LIMD1: variants seen among roughly 807,000 people sequenced by gnomAD.
The protein encoded by LIMD1 is LIM domain containing 1.
In LIMD1, 23 loss-of-function variants were observed where a neutral mutation model predicts 58.4. The ratio of observed to expected loss-of-function variants is 0.39; its 90% CI spans 0.28 to 0.56. The LOEUF (loss-of-function observed/expected upper bound fraction) is 0.56, where lower values mean the gene tolerates loss of function less well. Ranked by LOEUF, LIMD1 falls within the 20% of genes least tolerant of loss-of-function variation. The pLI is 0.57. For missense variants in LIMD1, 838 were observed against 855.5 expected (o/e 0.98, Z 0.25); for synonymous variants, 334 against 345.5 (o/e 0.97, Z 0.37).
chr3:45,604,602 C>T (rs1262944008), intron 1 of LIMD1, among the ~76,000 whole-genome samples: 5 of 152,296 alleles, frequency 3.3e-5, no homozygotes, highest in African/African-American at 1.2e-4. Context: ...TGTGCCTCAC[C>T]TTGCTCCTTC....
At chr3:45,650,727 A>T (rs1352609126) in intron 2 of LIMD1, among the ~76,000 whole-genome samples, 1 of 152,042 alleles carries the variant, frequency 6.6e-6, no homozygotes, top group Admixed American at 6.6e-5. Context: ...TTCTTTATCC[A>T]GCCTATTATT....
chr3:45,628,708 A>G (rs1229530885), intron 1 of LIMD1, among the ~76,000 whole-genome samples: 3 of 152,252 alleles, frequency 2.0e-5, no homozygotes, highest in African/African-American at 7.2e-5. Context: ...ACGCTTGTAC[A>G]CAAATCTTGA....
intron 2 of LIMD1, among the ~76,000 whole-genome samples, chr3:45,661,955 G>A (rs1462513895): frequency 1.3e-5 from 2 of 152,148 alleles, no homozygotes; most frequent in African/African-American, 4.8e-5. Context: ...ATGGGATCTT[G>A]CTGTGTTGCC....
At chr3:45,667,968 A>C (rs947596713) in intron 3 of LIMD1, among the ~76,000 whole-genome samples, 1 of 152,184 alleles carries the variant, frequency 6.6e-6, no homozygotes, top group Non-Finnish European at 1.5e-5. Context: ...CAAGCTTTCA[A>C]GTGATGCCAG....
intron 1 of LIMD1, among the ~76,000 whole-genome samples, chr3:45,620,948 T>C (rs977760227): frequency 6.6e-6 from 1 of 152,216 alleles, no homozygotes; most frequent in African/African-American, 2.4e-5. Context: ...TGTACACCCA[T>C]GTATGATGTA....
At chr3:45,605,823 A>G (rs1222682503) in intron 1 of LIMD1, among the ~76,000 whole-genome samples, 1 of 151,984 alleles carries the variant, frequency 6.6e-6, no homozygotes, top group African/African-American at 2.4e-5. Context: ...TACCGGCATG[A>G]CCCAGTCCTC....
chr3:45,636,994 A>G (rs972502424), intron 2 of LIMD1, among the ~76,000 whole-genome samples: 1 of 152,190 alleles, frequency 6.6e-6, no homozygotes, highest in Non-Finnish European at 1.5e-5. Context: ...TGTCCTACTT[A>G]TATTCTCAAT....
chr3:45,633,459 G>C (rs1701756518), intron 1 of LIMD1, among the ~76,000 whole-genome samples: 1 of 152,186 alleles, frequency 6.6e-6, no homozygotes, highest in Non-Finnish European at 1.5e-5. Flanking sequence ...TAATGATGGG[G>C]AGGCTGAAGT....
chr3:45,640,225 A>AT (rs1353551770), intron 2 of LIMD1, among the ~76,000 whole-genome samples: 1 of 151,630 alleles, frequency 6.6e-6, no homozygotes, highest in Non-Finnish European at 1.5e-5. Context: ...GTCAAACTGA[A>AT]TTTCTCTTTT....
rs1366338289 is a variant in LIMD1 at position 45,677,567 on chromosome 3, T to C, written c.*508T>C. 6.5e-6 allele frequency: 1 copy of C among 152,706 alleles called. No individual in the cohort carries two copies. The highest frequency in any genetic ancestry group is 1.5e-5 in the Non-Finnish European group (1 of 68,364). 9.5% of individuals were successfully genotyped at this position (152,706 alleles called of 1,614,324 possible). ...TTTCACCTGAGAGCTTCAGTTCTTC[T>C]GCAGAATGGCTGCAAATTTAATTGC... On this transcript the variant is annotated 3_prime_UTR_variant, in exon 8 of 8. Transcript: ENST00000273317.
At chr3:45,675,713 G>A (rs780320633) in intron 7 of LIMD1, among the ~76,000 whole-genome samples, 2 of 152,122 alleles carry the variant, frequency 1.3e-5, no homozygotes, top group Non-Finnish European at 2.9e-5. Context: ...TATTTTATTC[G>A]GTTCAAAATA....
At chr3:45,639,642 C>T (rs1051502159) in intron 2 of LIMD1, among the ~76,000 whole-genome samples, 11 of 152,096 alleles carry the variant, frequency 7.2e-5, no homozygotes, top group African/African-American at 2.2e-4. Context: ...ACCCCCTAAT[C>T]CCGTCACCTT....
chr3:45,605,144 G>A (rs1012656785), intron 1 of LIMD1, among the ~76,000 whole-genome samples: 3 of 152,226 alleles, frequency 2.0e-5, no homozygotes, highest in African/African-American at 7.2e-5. Context: ...GAGCCAAGAT[G>A]ACCTCTCAGG....
rs1575372605 is a variant in LIMD1 at position 45,682,206 on chromosome 3, G to C, written c.*5147G>C. 1 of 152,156 alleles carries C rather than the reference G, an allele frequency of 6.6e-6. No homozygotes were observed. Among genetic ancestry groups the C allele is most frequent in the East Asian group, 1.9e-4 (1 of 5,198 alleles). The allele number at this position is 152,156 out of a possible 1,614,324, so 9.4% of individuals were successfully genotyped here. A position where few individuals can be genotyped will look rare whatever the true frequency, so the allele number is the denominator to read the frequency against. ...TAAGTGATGAGAGAATGGCTAGTCT[G>C]ATTTTGCCAACATGGGCTGCTATTT... is the stretch of plus-strand genomic sequence containing the variant. On this transcript the variant is annotated 3_prime_UTR_variant, in exon 8 of 8. Transcript: ENST00000273317.
intron 1 of LIMD1, among the ~76,000 whole-genome samples, chr3:45,598,492 T>C (rs1282948362): frequency 6.6e-6 from 1 of 152,228 alleles, no homozygotes; most frequent in Non-Finnish European, 1.5e-5. Context: ...ACTCATCCAT[T>C]CAGCATATAT....
chr3:45,630,941 C>T (rs995590041), intron 1 of LIMD1, among the ~76,000 whole-genome samples: 6 of 152,176 alleles, frequency 3.9e-5, no homozygotes, highest in Admixed American at 3.3e-4. Context: ...CGGTGGCTCA[C>T]GCCTGTAATC....
chr3:45,645,129 C>T (rs751106190), intron 2 of LIMD1, among the ~76,000 whole-genome samples: 1 of 152,198 alleles, frequency 6.6e-6, no homozygotes, highest in Non-Finnish European at 1.5e-5. Context: ...CAGGAAGCAA[C>T]CAAAATAGGC....
rs1331816266 is a variant in LIMD1 at position 45,595,797 on chromosome 3, C to T, written c.918C>T (p.Pro306=). ...SVSAPLALSC[P]RQGGLPRSNS... is the part of the protein sequence containing the mutation. ...CAGCACCCTTGGCCCTGAGCTGCCC[C>T]AGGCAAGGAGGTCTTCCAAGATCAA... The change falls in exon 1 of 8, where the codon CCC becomes CCT. Residue 306 remains proline (P), a synonymous_variant. Coordinates refer to ENST00000273317, the MANE Select transcript of LIMD1 (RefSeq NM_014240.3). 1 of 1,614,036 alleles carries T rather than the reference C, an allele frequency of 6.2e-7. No individual in the cohort carries two copies. Among genetic ancestry groups the T allele is most frequent in the Non-Finnish European group, 8.5e-7 (1 of 1,180,028 alleles).
chr3:45,646,651 T>A (rs1701910579), intron 2 of LIMD1, among the ~76,000 whole-genome samples: 1 of 152,154 alleles, frequency 6.6e-6, no homozygotes, highest in South Asian at 2.1e-4. Context: ...AGCTTGTGGC[T>A]ACTGTATTGG....
Sources: allele counts gnomAD v4.1 joint callset (sites outside exome capture counted in the v4.1 genomes callset), GRCh38; gene constraint gnomAD v4.1.1; transcripts MANE v1.5; gene names NCBI Gene and HGNC (gene_info 2026-07-23, HGNC 2026-07-21).